Variants in EPB41L4B observed in about 807,000 individuals in gnomAD.
EPB41L4B encodes band 4.1-like protein 4B.
In EPB41L4B, 30 loss-of-function variants were observed where a neutral mutation model predicts 112.5. The observed-to-expected ratio is 0.27, with a 90% confidence interval of 0.20 to 0.36. The LOEUF (loss-of-function observed/expected upper bound fraction) is 0.36. EPB41L4B is among the 10% of genes least tolerant of loss of function. The pLI is 1.00. For missense variants in EPB41L4B, 1,024 were observed against 1,133.3 expected, an observed-to-expected ratio of 0.90 and a Z score of 1.38; for synonymous variants, 408 against 439.7, an observed-to-expected ratio of 0.93 and a Z score of 0.90.
intron 15 of EPB41L4B, among the ~76,000 whole-genome samples, chr9:109,225,055 T>C (rs1174130332): frequency 1.3e-5 from 2 of 152,242 alleles, no homozygotes; most frequent in Non-Finnish European, 2.9e-5. Flanking sequence ...CAGAACCCCC[T>C]GGCTAAGACA....
At chr9:109,186,655 C>A (rs982687777) in intron 22 of EPB41L4B, among the ~76,000 whole-genome samples, 3 of 151,666 alleles carry the variant, frequency 2.0e-5, no homozygotes, top group Non-Finnish European at 4.4e-5. Context: ...TTTAATTTTT[C>A]TTTTTTATAG....
chr9:109,230,622 C>A (rs923765016), intron 15 of EPB41L4B, among the ~76,000 whole-genome samples: 27 of 152,148 alleles, frequency 1.8e-4, no homozygotes, highest in African/African-American at 6.5e-4. Flanking sequence ...TACATTGTTA[C>A]ATGTTCTTAT....
At chr9:109,200,475 G>T (rs1367950039) in intron 19 of EPB41L4B, 141 bp from the exon 20 acceptor site, 1 of 528,210 alleles carries the variant, frequency 1.9e-6, no homozygotes, top group Non-Finnish European at 3.4e-6. Context: ...CCTTTCTACC[G>T]TACTTAGTTC....
chr9:109,249,570 A>T (rs1223595808), intron 13 of EPB41L4B, among the ~76,000 whole-genome samples: 2 of 149,630 alleles, frequency 1.3e-5, no homozygotes, highest in African/African-American at 5.0e-5. Context: ...TGCTGGGAGG[A>T]AAATGTAATT....
At chr9:109,223,741 G>A (rs529634396) in intron 15 of EPB41L4B, among the ~76,000 whole-genome samples, 55 of 152,236 alleles carry the variant, frequency 3.6e-4, no homozygotes, top group East Asian at 1.2e-3. Flanking sequence ...GGGGGAGGCC[G>A]GGCACGGTGG....
intron 15 of EPB41L4B, among the ~76,000 whole-genome samples, chr9:109,222,708 G>A (rs754719208): frequency 3.3e-5 from 5 of 152,142 alleles, no homozygotes; most frequent in Admixed American, 6.5e-5. Context: ...TTCAGTCTCT[G>A]CCTTCATGAG....
At chr9:109,252,272 A>T (rs1255810158) in intron 12 of EPB41L4B, among the ~76,000 whole-genome samples, 1 of 152,128 alleles carries the variant, frequency 6.6e-6, no homozygotes, top group Non-Finnish European at 1.5e-5. Context: ...TGTTCCTTAC[A>T]CTGAGCTATT....
chr9:109,212,204 C>T (rs1588140139), intron 17 of EPB41L4B, among the ~76,000 whole-genome samples: 3 of 152,312 alleles, frequency 2.0e-5, no homozygotes, highest in East Asian at 3.9e-4. Flanking sequence ...ACACTATATG[C>T]TGTATTTCCT....
intron 1 of EPB41L4B, among the ~76,000 whole-genome samples, chr9:109,288,382 A>G (rs1387179788): frequency 6.6e-6 from 1 of 152,136 alleles, no homozygotes; most frequent in Admixed American, 6.5e-5. Context: ...CAGGAGTTCC[A>G]GACCAACCTG....
At position 109,174,622 on chromosome 9, in the gene EPB41L4B, C is replaced by A; in HGVS notation, c.2635G>T (p.Ala879Ser). Residue 879 changes from alanine (A) to serine (S), a missense_variant and splice_region_variant, in exon 26 of 26, where the codon GCA becomes TCA. Coordinates refer to ENST00000374566, the MANE Select transcript of EPB41L4B (RefSeq NM_019114.5). ...TRKPVSLAASAETLRQELERE... is the reference protein window; with the variant it reads ...TRKPVSLAASSETLRQELERE... ...TCCAGTTCCTGCCGGAGTGTCTCTG[C>A]ACTAAAAAAAAGTATGTGACAAAAT... The A allele has an allele frequency of 6.2e-7, 1 of 1,613,490 alleles. No homozygotes were observed. Among genetic ancestry groups the A allele is most frequent in the South Asian group, 1.1e-5 (1 of 91,018 alleles).
At chr9:109,297,955 ATAAC>A (rs1453214744) in intron 1 of EPB41L4B, among the ~76,000 whole-genome samples, 2 of 152,218 alleles carry the variant, frequency 1.3e-5, no homozygotes, top group Non-Finnish European at 1.5e-5. Flanking sequence ...TCATAAAACT[ATAAC>A]TAAGGCATCA....
chr9:109,300,221 G>T (rs1371088401), intron 1 of EPB41L4B: 3 of 152,244 alleles, frequency 2.0e-5, no homozygotes, highest in African/African-American at 7.2e-5. Context: ...AGCCAGGGTG[G>T]CTGGGGCCAT....
At chr9:109,190,244 C>T (rs955268060) in intron 22 of EPB41L4B, among the ~76,000 whole-genome samples, 1 of 152,102 alleles carries the variant, frequency 6.6e-6, no homozygotes, top group East Asian at 1.9e-4. Flanking sequence ...AGGCAGGGGG[C>T]TAGAGATAGG....
At chr9:109,203,832 G>A in intron 18 of EPB41L4B, 102 bp from the exon 19 acceptor site, 2 of 875,816 alleles carry the variant, frequency 2.3e-6, no homozygotes, top group South Asian at 1.4e-5. Context: ...ATTGGCAAGT[G>A]GACCAAAGAG....
intron 1 of EPB41L4B, among the ~76,000 whole-genome samples, chr9:109,297,836 G>C (rs1041538663): frequency 6.6e-6 from 1 of 152,238 alleles, no homozygotes; most frequent in Non-Finnish European, 1.5e-5. Flanking sequence ...CAGAACTTTA[G>C]AGCTATGTAC....
chr9:109,283,031 G>C (rs765375538), intron 1 of EPB41L4B, among the ~76,000 whole-genome samples: 1 of 152,124 alleles, frequency 6.6e-6, no homozygotes, highest in Non-Finnish European at 1.5e-5. Flanking sequence ...GAAGAGAAGA[G>C]ATAGAGGGGA....
rs372304838 is a variant in EPB41L4B at position 109,252,417 on chromosome 9, C to T, written c.1280-906G>A. 9.0e-4 allele frequency among the ~76,000 whole-genome samples: 137 copies of T among 152,330 alleles called. No individual in the cohort carries two copies. The South Asian group carries it at 0.024, about 26-fold the overall frequency. ...TCAACCCATCGCCCTTCTCTGGACA[C>T]GCTCCCATCCCCTGGCCTCTCTCGA... On this transcript the variant is annotated intron_variant, in intron 12 of 25. Coordinates refer to ENST00000374566, the MANE Select transcript of EPB41L4B (RefSeq NM_019114.5).
At chr9:109,241,832 G>T in intron 15 of EPB41L4B, 1 of 1,613,164 alleles carries the variant, frequency 6.2e-7, no homozygotes, top group Non-Finnish European at 8.5e-7. Flanking sequence ...CAGAGCGAAT[G>T]GTTAGTGGGA....
chr9:109,241,927 G>T lies in EPB41L4B; in HGVS notation c.1409+1691C>A, dbSNP rs1031376460. 11 of 971,840 alleles carry T rather than the reference G, an allele frequency of 1.1e-5. No individual in the cohort carries two copies. The Admixed American group carries it at 2.1e-4, about 18-fold the overall frequency. The allele number at this position is 971,840 out of a possible 1,614,324, so 60.2% of individuals were successfully genotyped here. On this transcript the variant is annotated intron_variant, in intron 15 of 25. Transcript: ENST00000374566. The stretch of plus-strand genomic sequence containing the variant: ...GGGGGAACCATGAGCCATGTGAATG[G>T]GGATGGCTATGAATGGAAATGAATG...
Sources: allele counts gnomAD v4.1 joint callset (sites outside exome capture counted in the v4.1 genomes callset), GRCh38; gene constraint gnomAD v4.1.1; transcripts MANE v1.5; gene names NCBI Gene and HGNC (gene_info 2026-07-23, HGNC 2026-07-21).